The following CHMP4B variants were observed in gnomAD, a reference collection of about 807,000 sequenced individuals.
The protein encoded by CHMP4B is charged multivesicular body protein 4B.
CHMP4B carries 1 observed loss-of-function variant against 25.1 expected under a neutral mutation model. That is an observed-to-expected ratio of 0.04 (90% CI 0.01 to 0.19). The LOEUF (loss-of-function observed/expected upper bound fraction) is 0.19, where lower values mean the gene tolerates loss of function less well. Among genes scored for constraint, CHMP4B ranks in the 10% least tolerant of loss-of-function variants. The pLI is 1.00. For synonymous variants in CHMP4B, 101 were observed against 115.6 expected (o/e 0.87, Z 0.81); for missense variants, 151 against 289.7 (o/e 0.52, Z 3.48).
In CHMP4B at chr20:33,848,659, G is replaced by A. The variant is rs199832068; in HGVS notation, c.368+15G>A. The stretch of plus-strand genomic sequence containing the variant: ...CATGACAACATGTACGTGTCCACCC[G>A]CCCCTGCGCCACAGGGCAGTGCTAG... On this transcript the variant is annotated intron_variant, in intron 2 of 4. Coordinates refer to ENST00000217402, the MANE Select transcript of CHMP4B (RefSeq NM_176812.5). 1.3e-4 allele frequency: 204 copies of A among 1,613,754 alleles called. No homozygotes were observed. Among genetic ancestry groups the A allele is most frequent in the Non-Finnish European group, 1.7e-4 (197 of 1,179,890 alleles).
intron 2 of CHMP4B, 88 bp downstream of exon 2, chr20:33,848,732 C>A: frequency 1.5e-6 from 2 of 1,364,310 alleles, no homozygotes; most frequent in Middle Eastern, 1.8e-4. Flanking sequence ...AGACGGATCC[C>A]TTGACTTACC....
At chr20:33,824,678 G>C (rs888268000) in intron 1 of CHMP4B, among the ~76,000 whole-genome samples, 2 of 152,146 alleles carry the variant, frequency 1.3e-5, no homozygotes, top group African/African-American at 4.8e-5. Flanking sequence ...CTTGACTGCT[G>C]ACATTTTGGA....
rs573527621 is a variant in CHMP4B, at chr20:33,853,264, C to T, written c.611-232C>T. ...CCTCTGTGTAGAATCCTTGTTTTGT[C>T]TGGGCCTGCTGGAGGCGGAGGGTGG... On this transcript the variant is annotated intron_variant, in intron 4 of 4. Transcript: ENST00000217402. 7.9e-5 allele frequency among the ~76,000 whole-genome samples: 12 copies of T among 152,230 alleles called. No individual in the cohort carries two copies. In the East Asian group the frequency reaches 2.1e-3, roughly 27 times the overall value.
chr20:33,851,991 T>C, intron 3 of CHMP4B, 86 bp from the exon 4 acceptor site: 1 of 1,569,626 alleles, frequency 6.4e-7, no homozygotes, highest in Non-Finnish European at 8.8e-7. Context: ...GGTGTGTGTC[T>C]CCATGAGCAT....
At chr20:33,841,872 T>C (rs1441424581) in intron 1 of CHMP4B, among the ~76,000 whole-genome samples, 2 of 152,194 alleles carry the variant, frequency 1.3e-5, no homozygotes, top group Middle Eastern at 3.2e-3. Context: ...ACTGTTTTCC[T>C]TATGGCACGG....
intron 1 of CHMP4B, among the ~76,000 whole-genome samples, chr20:33,836,515 G>A (rs1979395321): frequency 6.6e-6 from 1 of 152,094 alleles, no homozygotes; most frequent in East Asian, 1.9e-4. Flanking sequence ...CCCCATGTGA[G>A]TACTTAATAT....
At chr20:33,814,021 G>A (rs1315161943) in intron 1 of CHMP4B, among the ~76,000 whole-genome samples, 2 of 152,134 alleles carry the variant, frequency 1.3e-5, no homozygotes, top group Admixed American at 1.3e-4. Flanking sequence ...ATGAGCCATC[G>A]CACCCAGCCG....
At chr20:33,832,913 T>A (rs1234404139) in intron 1 of CHMP4B, among the ~76,000 whole-genome samples, 1 of 151,742 alleles carries the variant, frequency 6.6e-6, no homozygotes, top group African/African-American at 2.4e-5. Context: ...CAAATAGCTA[T>A]GACTACAGGT....
chr20:33,825,410 G>A (rs745718739), intron 1 of CHMP4B, among the ~76,000 whole-genome samples: 7 of 152,106 alleles, frequency 4.6e-5, no homozygotes, highest in South Asian at 2.1e-4. Flanking sequence ...TTCACAGAGC[G>A]CTGGAGTGAC....
chr20:33,849,153 A>T (rs1979769631), intron 2 of CHMP4B, among the ~76,000 whole-genome samples: 1 of 152,154 alleles, frequency 6.6e-6, no homozygotes, highest in Non-Finnish European at 1.5e-5. Context: ...TGTAGCTGTC[A>T]TTGACAGTGA....
At chr20:33,835,770 G>A (rs1430053457) in intron 1 of CHMP4B, among the ~76,000 whole-genome samples, 2 of 152,236 alleles carry the variant, frequency 1.3e-5, no homozygotes, top group Non-Finnish European at 2.9e-5. Context: ...AAGAAGCATG[G>A]TGCCAGCATC....
At chr20:33,831,777 G>A (rs1979259105) in intron 1 of CHMP4B, among the ~76,000 whole-genome samples, 2 of 152,130 alleles carry the variant, frequency 1.3e-5, no homozygotes, top group South Asian at 2.1e-4. Flanking sequence ...GTAATCGACA[G>A]TGTTCAGCAG....
chr20:33,843,192 G>C (rs548484751), intron 1 of CHMP4B, among the ~76,000 whole-genome samples: 4 of 152,324 alleles, frequency 2.6e-5, no homozygotes, highest in South Asian at 2.1e-4. Context: ...TGAAGCAACT[G>C]TCTGGAGACC....
intron 2 of CHMP4B, among the ~76,000 whole-genome samples, chr20:33,849,002 T>C (rs2122815225): frequency 6.6e-6 from 1 of 152,294 alleles, no homozygotes; most frequent in East Asian, 1.9e-4. Context: ...TGGTTAGAAC[T>C]GGGATTAGAA....
chr20:33,837,601 C>A (rs1979426080), intron 1 of CHMP4B, among the ~76,000 whole-genome samples: 1 of 152,160 alleles, frequency 6.6e-6, no homozygotes, highest in Admixed American at 6.6e-5. Context: ...CACATTCTAA[C>A]TATAGTTACC....
At chr20:33,840,206 A>G (rs532921904) in intron 1 of CHMP4B, among the ~76,000 whole-genome samples, 88 of 151,160 alleles carry the variant, frequency 5.8e-4, no homozygotes, top group African/African-American at 1.9e-3. Context: ...AGATCGCGCC[A>G]CTGCACTCTA....
rs934104780 is a variant in CHMP4B at position 33,826,922 on chromosome 20, T to C, written c.190+15264T>C. ...ACTCAGTTAGTTGTGATCTTTGGGATTGTTTAATCTTCCTTTCATGTTTAT... is the reference window on the plus strand; with the variant it reads ...ACTCAGTTAGTTGTGATCTTTGGGACTGTTTAATCTTCCTTTCATGTTTAT... On this transcript the variant is annotated intron_variant, in intron 1 of 4. Coordinates refer to ENST00000217402, the MANE Select transcript of CHMP4B (RefSeq NM_176812.5). Among the ~76,000 whole-genome samples, 5 of 152,168 alleles carry C rather than the reference T, an allele frequency of 3.3e-5. No individual in the cohort carries two copies. In the East Asian group the frequency reaches 5.8e-4, roughly 18 times the overall value.
At chr20:33,831,558 G>C (rs1309819619) in intron 1 of CHMP4B, among the ~76,000 whole-genome samples, 1 of 151,746 alleles carries the variant, frequency 6.6e-6, no homozygotes, top group Admixed American at 6.6e-5. Context: ...AATTTTTGTG[G>C]AGATGAGGTT....
At chr20:33,812,580 C>G (rs1175004210) in intron 1 of CHMP4B, among the ~76,000 whole-genome samples, 1 of 152,206 alleles carries the variant, frequency 6.6e-6, no homozygotes, top group East Asian at 1.9e-4. Context: ...TGTGAAAATG[C>G]TTTAAAACTG....
Sources: gnomAD v4.1 joint callset for allele counts (sites outside exome capture counted in the v4.1 genomes callset) on GRCh38, gnomAD v4.1.1 for gene constraint, MANE v1.5 for transcripts, NCBI Gene and HGNC (gene_info 2026-07-23, HGNC 2026-07-21) for gene names.